The following PLA2G4A variants were observed in gnomAD, a reference collection of about 807,000 sequenced individuals.
PLA2G4A encodes cytosolic phospholipase A2.
PLA2G4A carries 40 observed loss-of-function variants against 81.9 expected under a neutral mutation model. The ratio of observed to expected loss-of-function variants is 0.49; its 90% CI spans 0.38 to 0.64. The LOEUF is 0.64. PLA2G4A is among the 30% of genes least tolerant of loss of function. PLA2G4A has a pLI of 0.00. For synonymous variants in PLA2G4A, 302 were observed against 296.9 expected (o/e 1.02, Z -0.18); for missense variants, 715 against 905.1 (o/e 0.79, Z 2.69).
chr1:186,924,146 C>T (rs1442874266), intron 7 of PLA2G4A, among the ~76,000 whole-genome samples: 1 of 152,204 alleles, frequency 6.6e-6, no homozygotes, highest in Non-Finnish European at 1.5e-5. Context: ...GTATTGTCAA[C>T]GTCTACCTCC....
chr1:186,913,552 A>G (rs1422713454), intron 7 of PLA2G4A, among the ~76,000 whole-genome samples: 1 of 152,156 alleles, frequency 6.6e-6, no homozygotes, highest in East Asian at 1.9e-4. Context: ...TTAGTGACGT[A>G]TCAGGTAATT....
intron 1 of PLA2G4A, among the ~76,000 whole-genome samples, chr1:186,833,782 C>T (rs1251037285): frequency 6.6e-6 from 1 of 152,106 alleles, no homozygotes. Context: ...CAATGCTCAC[C>T]ATAAGCAGAT....
chr1:186,966,832 T>G (rs560409141), intron 15 of PLA2G4A, among the ~76,000 whole-genome samples: 1 of 152,234 alleles, frequency 6.6e-6, no homozygotes, highest in Non-Finnish European at 1.5e-5. Context: ...ATGTTTTTGC[T>G]TACATATATA....
chr1:186,858,154 T>C (rs999023548), intron 2 of PLA2G4A, among the ~76,000 whole-genome samples: 2 of 152,184 alleles, frequency 1.3e-5, no homozygotes, highest in Non-Finnish European at 2.9e-5. Flanking sequence ...ATGGTAATTC[T>C]AGCTCTAGAT....
intron 2 of PLA2G4A, among the ~76,000 whole-genome samples, chr1:186,857,805 A>G (rs897689208): frequency 6.6e-6 from 1 of 151,800 alleles, no homozygotes; most frequent in African/African-American, 2.4e-5. Flanking sequence ...CTCTGTGTCC[A>G]AGTGATCTCA....
chr1:186,968,030 A>T (rs1657194286), intron 15 of PLA2G4A, among the ~76,000 whole-genome samples: 1 of 152,030 alleles, frequency 6.6e-6, no homozygotes, highest in African/African-American at 2.4e-5. Context: ...GAATTTGATG[A>T]CCTATGAGAA....
chr1:186,937,782 C>A (rs946531982), intron 8 of PLA2G4A, among the ~76,000 whole-genome samples: 2 of 150,914 alleles, frequency 1.3e-5, no homozygotes, highest in African/African-American at 4.8e-5. Flanking sequence ...TCCAGTTCTG[C>A]TGTTATAAAC....
In PLA2G4A at chr1:186,894,150, C is replaced by T; in HGVS notation, c.317C>T (p.Thr106Ile). ...ATGGATGAAACTCTAGGGACAGCAA[C>T]ATTTACTGTATCTTCTATGAAGGTG... ...YVMDETLGTA[T>I]FTVSSMKVGE... The change falls in exon 5 of 18, where the codon ACA becomes ATA. Residue 106 changes from threonine to isoleucine, a missense_variant. By Grantham distance (89) the Thr-to-Ile change is moderately conservative (BLOSUM62 -1). Coordinates refer to ENST00000367466, the MANE Select transcript of PLA2G4A (RefSeq NM_024420.3). The T allele has an allele frequency of 6.5e-7, 1 of 1,527,892 alleles. No homozygotes were observed. The highest frequency in any genetic ancestry group is 9.1e-7 in the Non-Finnish European group (1 of 1,101,468). The allele number at this position is 1,527,892 out of a possible 1,614,324, so 94.6% of individuals were successfully genotyped here.
chr1:186,956,097 C>G lies in PLA2G4A; in HGVS notation c.1337-5C>G. 1 of 1,612,508 alleles carries G rather than the reference C, an allele frequency of 6.2e-7. No individual in the cohort carries two copies. Among genetic ancestry groups the G allele is most frequent in the Non-Finnish European group, 8.5e-7 (1 of 1,178,810 alleles). ...TCTGTATGGTGACCTTTTATTTTTC[C>G]CTAGGCACTGAAAATGAAGATGCTG... On this transcript the variant is annotated splice_region_variant and splice_polypyrimidine_tract_variant and intron_variant, in intron 13 of 17. Transcript: ENST00000367466.
At chr1:186,859,540 T>G (rs1652720369) in intron 2 of PLA2G4A, among the ~76,000 whole-genome samples, 3 of 152,124 alleles carry the variant, frequency 2.0e-5, no homozygotes. Flanking sequence ...GGGGCACTGC[T>G]CCACATCCCA....
At chr1:186,905,599 T>C (rs1654705795) in intron 5 of PLA2G4A, among the ~76,000 whole-genome samples, 1 of 152,158 alleles carries the variant, frequency 6.6e-6, no homozygotes, top group Non-Finnish European at 1.5e-5. Context: ...ATTCTATATA[T>C]AGGAACTGTT....
At chr1:186,902,544 G>A (rs1385756937) in intron 5 of PLA2G4A, among the ~76,000 whole-genome samples, 2 of 151,948 alleles carry the variant, frequency 1.3e-5, no homozygotes, top group Non-Finnish European at 2.9e-5. Flanking sequence ...CCACTATTTT[G>A]TTTTGTTTTT....
chr1:186,979,113 G>A (rs771559145), intron 16 of PLA2G4A, among the ~76,000 whole-genome samples: 19 of 152,190 alleles, frequency 1.2e-4, no homozygotes, highest in Non-Finnish European at 2.4e-4. Context: ...AAAGCCCTCC[G>A]GCACACAGAT....
chr1:186,909,668 A>G (rs1218690733), intron 6 of PLA2G4A, among the ~76,000 whole-genome samples: 1 of 151,646 alleles, frequency 6.6e-6, no homozygotes, highest in South Asian at 2.1e-4. Context: ...CTCAAAAAAA[A>G]AAAAAAAAAA....
chr1:186,881,064 A>G lies in PLA2G4A; in HGVS notation c.115+10548A>G, dbSNP rs564547321. Among the ~76,000 whole-genome samples, 12 of 152,118 alleles carry G rather than the reference A, an allele frequency of 7.9e-5. No homozygotes were observed. In the East Asian group the frequency reaches 2.3e-3, roughly 29 times the overall value. ...TAGCTATTCATTAATGTACTAAATC[A>G]ATTGCTAGTACGAAATGTACCAAGT... On this transcript the variant is annotated intron_variant, in intron 3 of 17. Coordinates refer to ENST00000367466, the MANE Select transcript of PLA2G4A (RefSeq NM_024420.3).
chr1:186,875,165 G>C (rs1488571523), intron 3 of PLA2G4A, among the ~76,000 whole-genome samples: 6 of 152,024 alleles, frequency 3.9e-5, no homozygotes, highest in Admixed American at 1.3e-4. Flanking sequence ...ATTTCTTCTA[G>C]TTTATGTTTG....
At chr1:186,848,722 T>TACACACAC (rs10651334) in intron 1 of PLA2G4A, among the ~76,000 whole-genome samples, 10 of 148,884 alleles carry the variant, frequency 6.7e-5, no homozygotes, top group African/African-American at 2.5e-4. Flanking sequence ...CTAGTGATTT[T>TACACACAC]ACACACACAC....
At chr1:186,854,971 C>G (rs1259686107) in intron 2 of PLA2G4A, among the ~76,000 whole-genome samples, 1 of 151,874 alleles carries the variant, frequency 6.6e-6, no homozygotes, top group Non-Finnish European at 1.5e-5. Flanking sequence ...ATTTGAGACT[C>G]AGGTTTATAA....
intron 10 of PLA2G4A, 58 bp downstream of exon 10, chr1:186,940,152 G>A (rs1458801192): frequency 7.4e-6 from 7 of 942,608 alleles, no homozygotes; most frequent in Non-Finnish European, 1.2e-5. Context: ...AGTTTCCCAT[G>A]GTTTTCCTTA....
Sources: allele counts gnomAD v4.1 joint callset (sites outside exome capture counted in the v4.1 genomes callset), GRCh38; gene constraint gnomAD v4.1.1; transcripts MANE v1.5; gene names NCBI Gene and HGNC (gene_info 2026-07-23, HGNC 2026-07-21).